The following RASA3 variants were observed in gnomAD, a reference collection of about 807,000 sequenced individuals.
RASA3 encodes the protein RAS p21 protein activator 3, also known as ras GTPase-activating protein 3.
RASA3 carries 73 observed loss-of-function variants against 110.0 expected under a neutral mutation model. That is an observed-to-expected ratio of 0.66 (90% CI 0.55 to 0.81). The LOEUF is 0.81. Among genes scored for constraint, RASA3 ranks in the 30% least tolerant of loss-of-function variants. The pLI, the probability that RASA3 is intolerant of heterozygous loss-of-function variation, is 0.00. For synonymous variants in RASA3, 500 were observed against 451.4 expected (o/e 1.11, Z -1.37); for missense variants, 976 against 1,113.2 (o/e 0.88, Z 1.75).
intron 16 of RASA3, among the ~76,000 whole-genome samples, chr13:114,010,230 T>C (rs893195778): frequency 6.6e-6 from 1 of 152,112 alleles, no homozygotes; most frequent in Non-Finnish European, 1.5e-5. Flanking sequence ...TGGGGGCCTC[T>C]GCTCCCCAAA....
At chr13:114,087,769 T>G (rs2079840832) in intron 1 of RASA3, among the ~76,000 whole-genome samples, 1 of 152,206 alleles carries the variant, frequency 6.6e-6, no homozygotes, top group African/African-American at 2.4e-5. Context: ...CAGAGGGCCT[T>G]GGAGGGCCGG....
chr13:114,060,213 C>T (rs1019095576), intron 2 of RASA3, among the ~76,000 whole-genome samples: 4 of 152,176 alleles, frequency 2.6e-5, no homozygotes, highest in Non-Finnish European at 5.9e-5. Flanking sequence ...ACGGCAGGAC[C>T]GGAGCATGCT....
intron 22 of RASA3, among the ~76,000 whole-genome samples, chr13:113,984,151 A>C: frequency 2.0e-5 from 1 of 50,334 alleles, no homozygotes; most frequent in African/African-American, 6.7e-5. Context: ...ATCATCACTC[A>C]CTCCTCGGTC....
intron 6 of RASA3, 53 bp from the exon 7 acceptor site, chr13:114,027,514 T>A: frequency 1.4e-6 from 2 of 1,392,336 alleles, no homozygotes; most frequent in Non-Finnish European, 2.0e-6. Context: ...TGATTCCAAG[T>A]CTCTCAGTGG....
intron 9 of RASA3, 152 bp downstream of exon 9, chr13:114,021,252 C>T: frequency 1.5e-6 from 1 of 649,246 alleles, no homozygotes; most frequent in Non-Finnish European, 2.7e-6. Flanking sequence ...CAAGCCAGAG[C>T]TCGTCAGAGC....
At chr13:114,066,602 A>G (rs926572293) in intron 2 of RASA3, among the ~76,000 whole-genome samples, 2 of 152,218 alleles carry the variant, frequency 1.3e-5, no homozygotes, top group Non-Finnish European at 2.9e-5. Context: ...GGCCTGGGGC[A>G]GCCTGCCATG....
chr13:114,004,120 A>T (rs938764054), intron 18 of RASA3, among the ~76,000 whole-genome samples: 1 of 152,248 alleles, frequency 6.6e-6, no homozygotes, highest in Admixed American at 6.5e-5. Flanking sequence ...AAAAATAGCA[A>T]TGTAAGTAAT....
intron 1 of RASA3, among the ~76,000 whole-genome samples, chr13:114,117,963 G>C (rs2080317580): frequency 1.3e-5 from 2 of 151,946 alleles, no homozygotes; most frequent in Admixed American, 1.3e-4. Flanking sequence ...AGGGGTGCAT[G>C]CACACGCACC....
At chr13:114,078,126 G>T in intron 1 of RASA3, 1 of 516,762 alleles carries the variant, frequency 1.9e-6, no homozygotes, top group Non-Finnish European at 2.5e-6. Context: ...GCACGGCCTG[G>T]CCACGTCGCC....
At chr13:114,087,594 G>A (rs919057320) in intron 1 of RASA3, among the ~76,000 whole-genome samples, 1 of 152,246 alleles carries the variant, frequency 6.6e-6, no homozygotes, top group Non-Finnish European at 1.5e-5. Flanking sequence ...CCTCTGGAGG[G>A]AGGGCCCCGG....
Position 114,014,383 on chromosome 13 carries a change from G to A in RASA3, c.1405+826C>T, listed in dbSNP as rs977196843. Reference sequence around the variant, plus strand: ...GGCCGGCGCTGTCTGACTGTCTGATGTCCTGAGAATCAGGGGTGGGGACAG... The same window carrying A: ...GGCCGGCGCTGTCTGACTGTCTGATATCCTGAGAATCAGGGGTGGGGACAG... On this transcript the variant is annotated intron_variant, in intron 14 of 23. Transcript: ENST00000334062. This position sits in a 1 kb window ranked among gnomAD's most constrained non-coding sequence, Gnocchi z 4.5. 1.9e-4 allele frequency among the ~76,000 whole-genome samples: 29 copies of A among 152,192 alleles called. No homozygotes were observed. The highest frequency in any genetic ancestry group is 6.8e-4 in the African/African-American group (28 of 41,444).
chr13:114,112,373 C>T lies in RASA3; in HGVS notation c.55+20062G>A, dbSNP rs1039418415. ...ACCACGAGAAAGTCAGGGCCCTCCC[C>T]GAAGGAGCAGAAGCTCTGCGGGTGA... On this transcript the variant is annotated intron_variant, in intron 1 of 23. Transcript: ENST00000334062. This position sits in a 1 kb window ranked among gnomAD's most constrained non-coding sequence, Gnocchi z 4.8. Among the ~76,000 whole-genome samples the T allele has an allele frequency of 3.9e-5, 6 of 152,186 alleles. No individual in the cohort carries two copies. The highest frequency in any genetic ancestry group is 2.1e-4 in the South Asian group (1 of 4,830).
chr13:114,129,456 A>G (rs536172184), intron 1 of RASA3, among the ~76,000 whole-genome samples: 1 of 152,326 alleles, frequency 6.6e-6, no homozygotes, highest in Admixed American at 6.5e-5. Context: ...GGAAGGGGGA[A>G]AGGAGGAAGA....
chr13:114,101,672 G>C (rs541183718), intron 1 of RASA3, among the ~76,000 whole-genome samples: 1 of 152,180 alleles, frequency 6.6e-6, no homozygotes, highest in African/African-American at 2.4e-5. Context: ...CACGAAACCC[G>C]AACAGCCCCG....
intron 1 of RASA3, among the ~76,000 whole-genome samples, chr13:114,098,730 C>T (rs1036091685): frequency 2.0e-5 from 3 of 152,054 alleles, no homozygotes; most frequent in African/African-American, 7.2e-5. Flanking sequence ...TGGGATGTCC[C>T]AGACAGCAAG....
chr13:114,067,785 G>A (rs1294991245), intron 2 of RASA3, among the ~76,000 whole-genome samples: 1 of 152,098 alleles, frequency 6.6e-6, no homozygotes, highest in Non-Finnish European at 1.5e-5. Context: ...GCCAAGTGAG[G>A]GTCCCTGGTG....
chr13:114,018,909 G>A lies in RASA3; in HGVS notation c.796C>T (p.Gln266Ter), dbSNP rs1430461383. 4 of 1,613,628 alleles carry A rather than the reference G, an allele frequency of 2.5e-6. No individual in the cohort carries two copies. In the Admixed American group the frequency reaches 5.0e-5, roughly 20 times the overall value. The change falls in exon 10 of 24, where the codon CAG becomes TAG. Residue 266 changes from glutamine to a stop codon, truncating the protein, a stop_gained. Coordinates refer to ENST00000334062, the MANE Select transcript of RASA3 (RefSeq NM_007368.4). LOFTEE classifies it high-confidence loss of function. ...SSSYEAWYFL[Q>*]PRDNGSKSLK... ...CTCTTGCTACCATTGTCCCGGGGCT[G>A]GAGGAAGTACCTGGGTGGGAGGGAC...
chr13:114,097,857 G>A (rs2079965943), intron 1 of RASA3, among the ~76,000 whole-genome samples: 1 of 152,220 alleles, frequency 6.6e-6, no homozygotes, highest in South Asian at 2.1e-4. Flanking sequence ...TGGGTCTCAA[G>A]GCCCCACCAT....
At chr13:114,122,352 T>C (rs1433481319) in intron 1 of RASA3, among the ~76,000 whole-genome samples, 2 of 152,226 alleles carry the variant, frequency 1.3e-5, no homozygotes, top group African/African-American at 2.4e-5. Context: ...GAGTCCGGCA[T>C]GGCCAGTCCC....
Sources: gnomAD v4.1 joint callset for allele counts (sites outside exome capture counted in the v4.1 genomes callset) on GRCh38, gnomAD v4.1.1 for gene constraint, Gnocchi (gnomAD v3.1) non-coding constraint, MANE v1.5 for transcripts, NCBI Gene and HGNC (gene_info 2026-07-23, HGNC 2026-07-21) for gene names.